Variants in EYS observed in about 807,000 individuals in gnomAD.
EYS encodes protein eyes shut homolog.
In EYS, 250 loss-of-function variants were observed where a neutral mutation model predicts 282.1. The ratio of observed to expected loss-of-function variants is 0.89; its 90% CI spans 0.80 to 0.98. EYS has a LOEUF of 0.98. Among genes scored for constraint, EYS ranks in the 50% least tolerant of loss-of-function variants. The probability of loss-of-function intolerance (pLI) is 0.00; values close to 1 mark genes in which losing one functional copy is unlikely to be tolerated. For synonymous variants in EYS, 1,355 were observed against 1,282.9 expected, an observed-to-expected ratio of 1.06 and a Z score of -1.20; for missense variants, 4,016 against 3,709.0, an observed-to-expected ratio of 1.08 and a Z score of -2.15.
chr6:63,906,082 A>G (rs1773773599), intron 35 of EYS, among the ~76,000 whole-genome samples: 1 of 152,216 alleles, frequency 6.6e-6, no homozygotes, highest in Non-Finnish European at 1.5e-5. Flanking sequence ...TAATGTTGTC[A>G]CTATGCTGCG....
Position 64,836,247 on chromosome 6 carries a change from A to G in EYS, c.2993-13425T>C, listed in dbSNP as rs1440733124. On this transcript the variant is annotated intron_variant, in intron 19 of 42. Coordinates refer to ENST00000503581, the MANE Select transcript of EYS (RefSeq NM_001142800.2). ...TATCATTTTAATGATTGCAAAATATATACATTCTTCTATGAGGAATACATA... is the reference window on the plus strand; with the variant it reads ...TATCATTTTAATGATTGCAAAATATGTACATTCTTCTATGAGGAATACATA... 2.0e-5 allele frequency among the ~76,000 whole-genome samples: 3 copies of G among 150,972 alleles called. No individual in the cohort carries two copies. The East Asian group carries it at 5.8e-4, about 29-fold the overall frequency.
intron 35 of EYS, among the ~76,000 whole-genome samples, chr6:63,963,102 C>T (rs1766149545): frequency 8.2e-6 from 1 of 122,012 alleles, no homozygotes; most frequent in Non-Finnish European, 1.7e-5. Flanking sequence ...CACACAGGGG[C>T]CTGTTGTGGG....
At chr6:64,546,284 T>G (rs1764865067) in intron 26 of EYS, among the ~76,000 whole-genome samples, 1 of 152,192 alleles carries the variant, frequency 6.6e-6, no homozygotes, top group Non-Finnish European at 1.5e-5. Flanking sequence ...TGATTCCCTA[T>G]TTAATAAATG....
At chr6:64,903,805 T>C (rs1412466002) in intron 16 of EYS, among the ~76,000 whole-genome samples, 2 of 152,290 alleles carry the variant, frequency 1.3e-5, no homozygotes, top group East Asian at 1.9e-4. Context: ...GTGTCTACCA[T>C]TGGATCAAAC....
At chr6:64,384,349 T>C (rs1244226155) in intron 29 of EYS, among the ~76,000 whole-genome samples, 1 of 152,200 alleles carries the variant, frequency 6.6e-6, no homozygotes, top group Non-Finnish European at 1.5e-5. Context: ...TGTTTACATT[T>C]TTGGAGTCGG....
chr6:64,575,304 G>C (rs1166319266), intron 26 of EYS, among the ~76,000 whole-genome samples: 1 of 148,460 alleles, frequency 6.7e-6, no homozygotes, highest in African/African-American at 2.4e-5. Flanking sequence ...AAAATAAAGA[G>C]CATGTTAAAA....
chr6:63,730,882 A>G (rs1287155716), intron 41 of EYS, among the ~76,000 whole-genome samples: 1 of 152,070 alleles, frequency 6.6e-6, no homozygotes, highest in African/African-American at 2.4e-5. Flanking sequence ...TTAGCTGGGC[A>G]TGGTGGTGCG....
chr6:63,858,851 C>A (rs1581902450), intron 36 of EYS, among the ~76,000 whole-genome samples: 1 of 152,128 alleles, frequency 6.6e-6, no homozygotes, highest in South Asian at 2.1e-4. Flanking sequence ...CAGAAAATTG[C>A]ATGTTCTTGA....
At chr6:65,454,110 T>G (rs1008038541) in intron 5 of EYS, among the ~76,000 whole-genome samples, 1 of 119,632 alleles carries the variant, frequency 8.4e-6, no homozygotes, top group Non-Finnish European at 1.9e-5. Flanking sequence ...TATACTTCTT[T>G]CCATAATGTC....
intron 31 of EYS, among the ~76,000 whole-genome samples, chr6:64,145,828 CAAT>C (rs1356168570): frequency 6.6e-6 from 1 of 152,072 alleles, no homozygotes; most frequent in East Asian, 1.9e-4. Context: ...TGCTGTCATC[CAAT>C]AATGACTTAT....
At chr6:65,270,505 G>C (rs1313125882) in intron 12 of EYS, among the ~76,000 whole-genome samples, 1 of 152,104 alleles carries the variant, frequency 6.6e-6, no homozygotes, top group African/African-American at 2.4e-5. Context: ...CATCCTAACT[G>C]TTCTCGCTTA....
chr6:64,024,771 C>T (rs562551399), intron 33 of EYS, among the ~76,000 whole-genome samples: 110 of 152,222 alleles, frequency 7.2e-4, no homozygotes, highest in Non-Finnish European at 1.4e-3. Flanking sequence ...CAGCTTCACT[C>T]CTGCGCCAGC....
At position 63,953,844 on chromosome 6, in the gene EYS, C is replaced by T. The variant is rs552636405; in HGVS notation, c.7055+30539G>A. Among the ~76,000 whole-genome samples, 30 of 152,296 alleles carry T rather than the reference C, an allele frequency of 2.0e-4. 1 individual carries two copies. In the South Asian group the frequency reaches 5.6e-3, roughly 28 times the overall value. ...AAGAGCTGGGACCATGCCCTGTAGCCTTTCTGTCCAAACAACTTGGCCTTA... is the reference window on the plus strand; with the variant it reads ...AAGAGCTGGGACCATGCCCTGTAGCTTTTCTGTCCAAACAACTTGGCCTTA... On this transcript the variant is annotated intron_variant, in intron 35 of 42. Coordinates refer to ENST00000503581, the MANE Select transcript of EYS (RefSeq NM_001142800.2).
intron 36 of EYS, among the ~76,000 whole-genome samples, chr6:63,843,737 G>T (rs559919974): frequency 6.6e-6 from 1 of 152,318 alleles, no homozygotes; most frequent in South Asian, 2.1e-4. Flanking sequence ...AGTATTGGAA[G>T]TTCTGGCAAG....
chr6:64,100,056 T>C (rs1772773410), intron 31 of EYS, among the ~76,000 whole-genome samples: 1 of 152,194 alleles, frequency 6.6e-6, no homozygotes, highest in Admixed American at 6.5e-5. Flanking sequence ...ATTTGGACCT[T>C]ATTGTCTAAA....
intron 26 of EYS, among the ~76,000 whole-genome samples, chr6:64,521,402 C>T (rs1426285067): frequency 6.6e-6 from 1 of 151,732 alleles, no homozygotes; most frequent in Non-Finnish European, 1.5e-5. Flanking sequence ...TTTTTTGACT[C>T]ATGAGGGGCT....
chr6:64,995,260 T>C (rs1771211923), intron 14 of EYS, among the ~76,000 whole-genome samples: 1 of 152,180 alleles, frequency 6.6e-6, no homozygotes, highest in South Asian at 2.1e-4. Context: ...ACATTGTTTC[T>C]GAGAAAGTAT....
chr6:63,940,722 T>C (rs1043238055), intron 35 of EYS, among the ~76,000 whole-genome samples: 3 of 151,892 alleles, frequency 2.0e-5, no homozygotes, highest in South Asian at 4.2e-4. Context: ...CTAGGGTACA[T>C]GTGTACAATG....
At chr6:63,962,552 A>G (rs1321710461) in intron 35 of EYS, among the ~76,000 whole-genome samples, 3 of 152,218 alleles carry the variant, frequency 2.0e-5, no homozygotes, top group African/African-American at 7.2e-5. Context: ...AATCAAAACC[A>G]CAGTGAGATA....
Sources: allele counts gnomAD v4.1 joint callset (sites outside exome capture counted in the v4.1 genomes callset), GRCh38; gene constraint gnomAD v4.1.1; transcripts MANE v1.5; gene names NCBI Gene and HGNC (gene_info 2026-07-23, HGNC 2026-07-21).